EMC2: variants seen among roughly 807,000 people sequenced by gnomAD.
EMC2 encodes the protein TPR repeat protein 35.
EMC2 carries 37 observed loss-of-function variants against 51.6 expected under a neutral mutation model. That is an observed-to-expected ratio of 0.72 (90% CI 0.55 to 0.94). The LOEUF is 0.94. EMC2 is among the 40% of genes least tolerant of loss of function. EMC2 has a pLI of 0.00. For synonymous variants in EMC2, 131 were observed against 112.4 expected (o/e 1.17, Z -1.04); for missense variants, 359 against 350.9 (o/e 1.02, Z -0.18).
chr8:108,462,349 C>T (rs892781025), intron 5 of EMC2, among the ~76,000 whole-genome samples: 9 of 152,088 alleles, frequency 5.9e-5, no homozygotes, highest in Non-Finnish European at 1.2e-4. Flanking sequence ...AGTAGGATTG[C>T]ATTGCGTGGA....
At chr8:108,472,916 A>G (rs1009196965) in intron 7 of EMC2, among the ~76,000 whole-genome samples, 6 of 151,880 alleles carry the variant, frequency 4.0e-5, no homozygotes, top group African/African-American at 1.5e-4. Flanking sequence ...AGTCTACAAC[A>G]TTTCCCAGGC....
chr8:108,452,948 T>C (rs1459129367), intron 3 of EMC2, 114 bp from the exon 4 acceptor site: 2 of 468,454 alleles, frequency 4.3e-6, no homozygotes, highest in Non-Finnish European at 7.8e-6. Context: ...CTTCATGTTA[T>C]TAGATGACAC....
chr8:108,486,180 G>C (rs1811134388), intron 10 of EMC2, among the ~76,000 whole-genome samples: 1 of 141,082 alleles, frequency 7.1e-6, no homozygotes, highest in African/African-American at 2.7e-5. Flanking sequence ...AAGCTAAATT[G>C]CATTTTAAAA....
At chr8:108,467,973 G>C (rs1386585049) in intron 5 of EMC2, among the ~76,000 whole-genome samples, 1 of 152,138 alleles carries the variant, frequency 6.6e-6, no homozygotes, top group Non-Finnish European at 1.5e-5. Flanking sequence ...GAAGATAGAT[G>C]GTATTACTGA....
At position 108,463,026 on chromosome 8, in the gene EMC2, C is replaced by T. The variant is rs181306060; in HGVS notation, c.364-6800C>T. On this transcript the variant is annotated intron_variant, in intron 5 of 10. Transcript: ENST00000220853. ...TGGTGCTCTGCCTAGTTAACTTTCT[C>T]CTCCTCCTCTTATTTACTTCTGAGG... 1.8e-3 allele frequency among the ~76,000 whole-genome samples: 275 copies of T among 152,250 alleles called. 1 individual carries two copies. The highest frequency in any genetic ancestry group is 5.5e-3 in the African/African-American group (229 of 41,544).
intron 5 of EMC2, among the ~76,000 whole-genome samples, chr8:108,461,708 A>T (rs1279825570): frequency 6.6e-6 from 1 of 152,202 alleles, no homozygotes; most frequent in Non-Finnish European, 1.5e-5. Context: ...AAAGTTCTGA[A>T]ATACTCTATT....
intron 3 of EMC2, among the ~76,000 whole-genome samples, chr8:108,451,010 T>C (rs1272134246): frequency 6.6e-6 from 1 of 152,136 alleles, no homozygotes. Flanking sequence ...GAGACCAGCC[T>C]GGCCAACGTG....
In EMC2 at chr8:108,452,396, G is replaced by A. The variant is rs140681971; in HGVS notation, c.220-666G>A. On this transcript the variant is annotated intron_variant, in intron 3 of 10. Transcript: ENST00000220853. ...AGGCTGGCCAACATGTTGAAACCCC[G>A]TCTCTACTAAAAATACAAAAATGAG... 5.0e-3 allele frequency among the ~76,000 whole-genome samples: 756 copies of A among 152,120 alleles called. 8 individuals are homozygous for A. The highest frequency in any genetic ancestry group is 0.017 in the African/African-American group (717 of 41,510).
chr8:108,453,259 G>C lies in EMC2; in HGVS notation c.305+112G>C, dbSNP rs1819073019. 3 of 471,842 alleles carry C rather than the reference G, an allele frequency of 6.4e-6. No individual in the cohort carries two copies. The South Asian group carries it at 1.6e-4, about 25-fold the overall frequency. 29.2% of individuals were successfully genotyped at this position (471,842 alleles called of 1,614,324 possible). A position where few individuals can be genotyped will look rare whatever the true frequency, so the allele number is the denominator to read the frequency against. ...GTGTGTGGAATACTGTCTCAATATG[G>C]CTTTAATTTACATTTTTTGATGACT... On this transcript the variant is annotated intron_variant, in intron 4 of 10. Transcript: ENST00000220853.
chr8:108,468,984 A>G (rs1011504507), intron 5 of EMC2, among the ~76,000 whole-genome samples: 6 of 152,102 alleles, frequency 3.9e-5, no homozygotes, highest in African/African-American at 1.4e-4. Flanking sequence ...CACGTATCAT[A>G]TGTGGGACCG....
chr8:108,476,811 C>T lies in EMC2; in HGVS notation c.621C>T (p.Asn207=), dbSNP rs750937577. 14 of 1,602,132 alleles carry T rather than the reference C, an allele frequency of 8.7e-6. No individual in the cohort carries two copies. Among genetic ancestry groups the T allele is most frequent in the Non-Finnish European group, 1.1e-5 (13 of 1,170,000 alleles). Residue 207 remains asparagine, a synonymous_variant, in exon 9 of 11, where the codon AAC becomes AAT. Transcript: ENST00000220853. The part of the protein sequence containing the change: ...EVKYTQGGLE[N]LELSRKYFAQ... ...AGTATACCCAAGGTGGACTTGAAAA[C>T]CTCGAACTTTCAAGAAAGTATTTTG...
At chr8:108,486,407 A>G (rs1811138297) in intron 10 of EMC2, 105 bp from the exon 11 acceptor site, 2 of 1,365,508 alleles carry the variant, frequency 1.5e-6, no homozygotes, top group Non-Finnish European at 1.9e-6. Flanking sequence ...CCTACTAGTG[A>G]TAAAATAGTC....
Position 108,445,729 on chromosome 8 carries a change from G to T in EMC2, c.40+2031G>T, listed in dbSNP as rs565912297. Among the ~76,000 whole-genome samples, 9 of 152,274 alleles carry T rather than the reference G, an allele frequency of 5.9e-5. 2 individuals carry two copies. The highest frequency in any genetic ancestry group is 5.2e-4 in the Admixed American group (8 of 15,282). On this transcript the variant is annotated intron_variant, in intron 1 of 10. Transcript: ENST00000220853. Reference sequence around the variant, plus strand: ...TGTTTTAAAATTTTGTCTCTCCTAAGATGAAAGGGACCAGGCCTGTTTCTT... The same window carrying T: ...TGTTTTAAAATTTTGTCTCTCCTAATATGAAAGGGACCAGGCCTGTTTCTT...
At chr8:108,466,410 A>G (rs1241070665) in intron 5 of EMC2, among the ~76,000 whole-genome samples, 4 of 143,520 alleles carry the variant, frequency 2.8e-5, no homozygotes, top group Non-Finnish European at 6.2e-5. Flanking sequence ...TTTTTATTTT[A>G]TAGAATATTA....
intron 7 of EMC2, among the ~76,000 whole-genome samples, chr8:108,472,838 A>G (rs1168821080): frequency 6.6e-6 from 1 of 151,988 alleles, no homozygotes; most frequent in East Asian, 1.9e-4. Flanking sequence ...AAGCTTTTTT[A>G]AGTATAATAG....
rs552089552 is a variant in EMC2 at position 108,488,656 on chromosome 8, G to C, written c.*2058G>C. On this transcript the variant is annotated 3_prime_UTR_variant, in exon 11 of 11. Coordinates refer to ENST00000220853, the MANE Select transcript of EMC2 (RefSeq NM_014673.5). ...CTTAGTTTGATCTGATAGTGGCAAG[G>C]ATCCCTCTTCCTCAAAGAGATTAGG... 3.9e-5 allele frequency among the ~76,000 whole-genome samples: 6 copies of C among 152,180 alleles called. No homozygotes were observed. Among genetic ancestry groups the C allele is most frequent in the African/African-American group, 1.4e-4 (6 of 41,522 alleles).
intron 7 of EMC2, chr8:108,474,810 T>C (rs1810919182): frequency 6.6e-6 from 1 of 151,962 alleles, no homozygotes; most frequent in African/African-American, 2.4e-5. Context: ...AGTTTACATC[T>C]CTGTGCCTCA....
At chr8:108,449,342 C>T (rs180823861) in intron 1 of EMC2, among the ~76,000 whole-genome samples, 22 of 151,476 alleles carry the variant, frequency 1.5e-4, no homozygotes, top group Non-Finnish European at 2.9e-4. Flanking sequence ...GGCACGATCT[C>T]GGCTCACGCA....
At chr8:108,461,714 C>T (rs144904973) in intron 5 of EMC2, among the ~76,000 whole-genome samples, 1 of 151,996 alleles carries the variant, frequency 6.6e-6, no homozygotes, top group Non-Finnish European at 1.5e-5. Flanking sequence ...CTGAAATACT[C>T]TATTGAGAAA....
Sources: allele counts gnomAD v4.1 joint callset (sites outside exome capture counted in the v4.1 genomes callset), GRCh38; gene constraint gnomAD v4.1.1; transcripts MANE v1.5; gene names NCBI Gene and HGNC (gene_info 2026-07-23, HGNC 2026-07-21).